Variants in PRORP observed in about 807,000 individuals in gnomAD.
The protein encoded by PRORP is mitochondrial ribonuclease P catalytic subunit.
A neutral mutation model predicts 59.4 loss-of-function variants in PRORP; 51 were observed. The observed-to-expected ratio is 0.86, with a 90% confidence interval of 0.69 to 1.08. The LOEUF (loss-of-function observed/expected upper bound fraction) is 1.08, where lower values mean the gene tolerates loss of function less well. Among genes scored for constraint, PRORP ranks in the 50% least tolerant of loss-of-function variants. The pLI is 0.00. For missense variants in PRORP, 646 were observed against 690.3 expected, an observed-to-expected ratio of 0.94 and a Z score of 0.72; for synonymous variants, 231 against 245.6, an observed-to-expected ratio of 0.94 and a Z score of 0.55.
At position 35,127,526 on chromosome 14, in the gene PRORP, G is replaced by C; in HGVS notation, c.1082G>C (p.Ser361Thr). ...CGKTIESIQL[S>T]PEEYECLKGK... is the part of the protein sequence containing the mutation. ...AAAACCATAGAGTCTATTCAGCTGA[G>C]TCCAGAAGAATATGAATGTCTTAAG... The change falls in exon 4 of 8, where the codon AGT becomes ACT. Residue 361 changes from serine to threonine, a missense_variant. Ser to Thr is a moderately conservative substitution (Grantham distance 58, BLOSUM62 1). Transcript: ENST00000534898. 1 of 1,612,346 alleles carries C rather than the reference G, an allele frequency of 6.2e-7. No individual in the cohort carries two copies.
Position 35,123,346 on chromosome 14 carries a change from C to T in PRORP, c.101C>T (p.Ala34Val), listed in dbSNP as rs771452002. 1 of 1,613,916 alleles carries T rather than the reference C, an allele frequency of 6.2e-7. No individual in the cohort carries two copies. The highest frequency in any genetic ancestry group is 8.5e-7 in the Non-Finnish European group (1 of 1,180,034). ...CACTCTTATGTCTCGCTGTTTCTGG[C>T]AGACCGCTGTGGCATCAGGAACCAG... Reference protein sequence around the residue: ...PGHSYVSLFLADRCGIRNQQR... With the variant: ...PGHSYVSLFLVDRCGIRNQQR... Residue 34 changes from alanine to valine, a missense_variant, in exon 2 of 8, where the codon GCA becomes GTA. Transcript: ENST00000534898.
chr14:35,274,033 C>G lies in PRORP; in HGVS notation c.*467C>G, dbSNP rs1057029206. 6.6e-6 allele frequency: 1 copy of G among 152,438 alleles called. No homozygotes were observed. Among genetic ancestry groups the G allele is most frequent in the African/African-American group, 2.4e-5 (1 of 41,460 alleles). The allele number at this position is 152,438 out of a possible 1,614,324, so 9.4% of individuals were successfully genotyped here. A position where few individuals can be genotyped will look rare whatever the true frequency, so the allele number is the denominator to read the frequency against. ...GCCCTATCCACATGGAATCATTTAT[C>G]GTCCTCTGTAATAAACTGGCCAAGA... On this transcript the variant is annotated 3_prime_UTR_variant, in exon 8 of 8. Coordinates refer to ENST00000534898, the MANE Select transcript of PRORP (RefSeq NM_014672.4).
Position 35,122,976 on chromosome 14 carries a change from C to T in PRORP, c.-270C>T. 2.4e-6 allele frequency: 1 copy of T among 422,472 alleles called. No homozygotes were observed. The highest frequency in any genetic ancestry group is 4.3e-6 in the Non-Finnish European group (1 of 233,014). 26.2% of individuals were successfully genotyped at this position (422,472 alleles called of 1,614,324 possible). ...GGTTCATGAACTGGAATGTAAGAGG[C>T]ACCAGAGGATTCCTGCTCTGTCCCC... is the stretch of plus-strand genomic sequence containing the variant. On this transcript the variant is annotated 5_prime_UTR_variant, in exon 2 of 8. Transcript: ENST00000534898.
In PRORP at chr14:35,123,828, A is replaced by G; in HGVS notation, c.583A>G (p.Ile195Val). Residue 195 changes from isoleucine to valine, a missense_variant, in exon 2 of 8, where the codon ATT becomes GTT. Physicochemically the swap from Ile to Val is conservative, Grantham distance 29 (BLOSUM62 3). Transcript: ENST00000534898. ...CVFHMQTSEV[I>V]DVFEIMKARY... is the part of the protein sequence containing the mutation. ...CTTTCATATGCAGACATCTGAAGTT[A>G]TTGATGTCTTTGAAATTATGAAAGC... The G allele has an allele frequency of 6.2e-7, 1 of 1,614,108 alleles. No homozygotes were observed. Among genetic ancestry groups the G allele is most frequent in the Non-Finnish European group, 8.5e-7 (1 of 1,179,954 alleles).
chr14:35,212,093 G>C (rs945644404), intron 5 of PRORP, among the ~76,000 whole-genome samples: 1 of 152,156 alleles, frequency 6.6e-6, no homozygotes, highest in Non-Finnish European at 1.5e-5. Context: ...TCCATAACAA[G>C]CAACTCCTCA....
chr14:35,122,035 C>A, upstream of PRORP: 1 of 1,526,010 alleles, frequency 6.6e-7, no homozygotes, highest in African/African-American at 1.4e-5. Flanking sequence ...GGCGTCAGCA[C>A]CGCCAGGCCC....
chr14:35,262,763 T>C, intron 5 of PRORP: 1 of 1,096,310 alleles, frequency 9.1e-7, no homozygotes, highest in Non-Finnish European at 1.4e-6. Context: ...TCCCCATCAA[T>C]GTCGTTATCC....
intron 5 of PRORP, among the ~76,000 whole-genome samples, chr14:35,243,657 G>C (rs1472309009): frequency 1.3e-5 from 2 of 152,152 alleles, no homozygotes; most frequent in African/African-American, 4.8e-5. Context: ...TTTGTGGTTA[G>C]AATGTAGGTT....
At chr14:35,250,128 G>A (rs2050579882) in intron 5 of PRORP, among the ~76,000 whole-genome samples, 1 of 151,720 alleles carries the variant, frequency 6.6e-6, no homozygotes, top group African/African-American at 2.4e-5. Flanking sequence ...CATGCCTGTG[G>A]TCCCAGCTAC....
rs1336083351 is a variant in PRORP at position 35,174,899 on chromosome 14, C to A, written c.1168-5771C>A. ...TAGTGCTATCCCTCCCCCCTCCCCC[C>A]ACCCCACGACAAGCCCTGATGTGTG... is the stretch of plus-strand genomic sequence containing the variant. On this transcript the variant is annotated intron_variant, in intron 4 of 7. Coordinates refer to ENST00000534898, the MANE Select transcript of PRORP (RefSeq NM_014672.4). 5.0e-4 allele frequency among the ~76,000 whole-genome samples: 58 copies of A among 116,696 alleles called. 1 individual carries two copies. The highest frequency in any genetic ancestry group is 2.1e-4 in the Non-Finnish European group (12 of 58,482). The allele number at this position is 116,696 out of a possible 152,430, so 76.6% of individuals were successfully genotyped here. A position where few individuals can be genotyped will look rare whatever the true frequency, so the allele number is the denominator to read the frequency against.
At chr14:35,207,991 A>G (rs538842352) in intron 5 of PRORP, among the ~76,000 whole-genome samples, 7 of 152,304 alleles carry the variant, frequency 4.6e-5, no homozygotes, top group African/African-American at 1.7e-4. Context: ...CTCTCCTAAA[A>G]ATACAAAAAT....
rs565201253 is a variant in PRORP, at chr14:35,229,184, C to G, written c.1276-37543C>G. Among the ~76,000 whole-genome samples, 14 of 152,134 alleles carry G rather than the reference C, an allele frequency of 9.2e-5. No individual in the cohort carries two copies. The South Asian group carries it at 2.9e-3, about 32-fold the overall frequency. On this transcript the variant is annotated intron_variant, in intron 5 of 7. Transcript: ENST00000534898. ...AATTGCTTAAGCTCCTTATAGATTC[C>G]TGGATATTAGATTTTTGTTGGATGC... is the stretch of plus-strand genomic sequence containing the variant.
At chr14:35,138,733 G>C (rs2047423776) in intron 4 of PRORP, among the ~76,000 whole-genome samples, 1 of 144,984 alleles carries the variant, frequency 6.9e-6, no homozygotes, top group South Asian at 2.2e-4. Flanking sequence ...AACTGTGGCT[G>C]CTGGTTAGAA....
chr14:35,157,180 C>T (rs1430969022), intron 4 of PRORP, among the ~76,000 whole-genome samples: 1 of 152,070 alleles, frequency 6.6e-6, no homozygotes, highest in East Asian at 1.9e-4. Flanking sequence ...TAGTCTCAAT[C>T]TCCTGACCTC....
rs1027426360 is a variant in PRORP, at chr14:35,122,636, G to C, written c.-295+1G>C. On this transcript the variant is annotated splice_donor_variant, in intron 1 of 7. Transcript: ENST00000534898. LOFTEE classifies it low-confidence loss of function (5UTR_SPLICE). ...AGTGAACTTCATTTGTCAGCGTTCG[G>C]TACGCAGTCTAGGCAGCGCCCTTCC... 3 of 154,804 alleles carry C rather than the reference G, an allele frequency of 1.9e-5. No homozygotes were observed. The highest frequency in any genetic ancestry group is 4.8e-5 in the African/African-American group (2 of 41,456). The allele number at this position is 154,804 out of a possible 1,614,324, so 9.6% of individuals were successfully genotyped here.
At chr14:35,142,846 CAA>C (rs540463728) in intron 4 of PRORP, among the ~76,000 whole-genome samples, 4 of 129,710 alleles carry the variant, frequency 3.1e-5, no homozygotes, top group Admixed American at 8.3e-5. Context: ...ACTCTTGTCT[CAA>C]AAAAAAAAAA....
At chr14:35,176,815 G>C (rs1595246175) in intron 4 of PRORP, among the ~76,000 whole-genome samples, 1 of 152,256 alleles carries the variant, frequency 6.6e-6, no homozygotes, top group African/African-American at 2.4e-5. Context: ...TCCCTGTCTT[G>C]TGCCGGTTTT....
chr14:35,122,854 C>T (rs922165466), intron 1 of PRORP, 98 bp from the exon 2 acceptor site: 11 of 185,684 alleles, frequency 5.9e-5, no homozygotes, highest in Admixed American at 5.9e-4. Flanking sequence ...CTTTACACCC[C>T]CTTTCCAGCA....
intron 4 of PRORP, among the ~76,000 whole-genome samples, chr14:35,142,119 T>A (rs1309320396): frequency 6.9e-6 from 1 of 144,322 alleles, no homozygotes; most frequent in Non-Finnish European, 1.5e-5. Flanking sequence ...CCTCAGCTGA[T>A]CCATCCGCCT....
Sources: gnomAD v4.1 joint callset for allele counts (sites outside exome capture counted in the v4.1 genomes callset) on GRCh38, gnomAD v4.1.1 for gene constraint, MANE v1.5 for transcripts, NCBI Gene and HGNC (gene_info 2026-07-23, HGNC 2026-07-21) for gene names.